ERC2: variants seen among roughly 807,000 people sequenced by gnomAD.
ERC2 encodes ELKS/RAB6-interacting/CAST family member 2.
In ERC2, 42 loss-of-function variants were observed where a neutral mutation model predicts 114.8. The ratio of observed to expected loss-of-function variants is 0.37; its 90% CI spans 0.29 to 0.47. ERC2 has a LOEUF of 0.47. ERC2 is among the 20% of genes least tolerant of loss of function. ERC2 has a pLI of 0.99. For missense variants in ERC2, 939 were observed against 1,150.7 expected (o/e 0.82, Z 2.66); for synonymous variants, 454 against 425.5 (o/e 1.07, Z -0.82).
intron 7 of ERC2, among the ~76,000 whole-genome samples, chr3:56,038,547 C>A (rs1285323657): frequency 2.0e-5 from 3 of 152,110 alleles, no homozygotes; most frequent in Non-Finnish European, 2.9e-5. Context: ...GACCTAGAAC[C>A]AGAAATACCA....
rs897711952 is a variant in ERC2 at position 56,240,485 on chromosome 3, C to T, written c.1074+55534G>A. On this transcript the variant is annotated intron_variant, in intron 3 of 17. Coordinates refer to ENST00000288221, the MANE Select transcript of ERC2 (RefSeq NM_015576.3). ...TGCTGAGTAAATGTAAATGTAAAAA[C>T]TAAAATACCTAAAGTAAATGACCCT... Among the ~76,000 whole-genome samples, 3 of 152,156 alleles carry T rather than the reference C, an allele frequency of 2.0e-5. No individual in the cohort carries two copies. The East Asian group carries it at 5.8e-4, about 29-fold the overall frequency.
At chr3:55,629,255 A>G (rs759767744) in intron 17 of ERC2, among the ~76,000 whole-genome samples, 1 of 152,202 alleles carries the variant, frequency 6.6e-6, no homozygotes, top group Non-Finnish European at 1.5e-5. Context: ...GGTGGCAGAG[A>G]TGCCATGGCT....
chr3:56,425,288 A>G (rs2107274272), intron 2 of ERC2, among the ~76,000 whole-genome samples: 1 of 152,320 alleles, frequency 6.6e-6, no homozygotes, highest in East Asian at 1.9e-4. Flanking sequence ...TCCCTCCATG[A>G]ACTTTCCAAG....
chr3:55,517,337 A>G (rs1446197585), intron 17 of ERC2, among the ~76,000 whole-genome samples: 7 of 150,986 alleles, frequency 4.6e-5, no homozygotes, highest in African/African-American at 1.7e-4. Context: ...GCTACTAGGG[A>G]AGCTGTGGCA....
At chr3:55,926,052 T>G (rs1206507949) in intron 13 of ERC2, among the ~76,000 whole-genome samples, 2 of 152,168 alleles carry the variant, frequency 1.3e-5, no homozygotes, top group African/African-American at 4.8e-5. Context: ...TTTGAGTGGG[T>G]GGGCACCCAT....
intron 10 of ERC2, among the ~76,000 whole-genome samples, chr3:56,006,946 T>C (rs2072539931): frequency 6.6e-6 from 1 of 152,120 alleles, no homozygotes; most frequent in African/African-American, 2.4e-5. Flanking sequence ...CTTCTGCTAC[T>C]ATTTTGATCT....
chr3:56,404,545 A>G (rs2060638155), intron 2 of ERC2, among the ~76,000 whole-genome samples: 1 of 152,210 alleles, frequency 6.6e-6, no homozygotes, highest in African/African-American at 2.4e-5. Flanking sequence ...GTCAATAATA[A>G]TTGTACATTT....
intron 13 of ERC2, among the ~76,000 whole-genome samples, chr3:55,942,020 G>C (rs1217103496): frequency 1.3e-5 from 2 of 152,026 alleles, no homozygotes; most frequent in African/African-American, 4.8e-5. Context: ...AATGCTGAGG[G>C]GCACAAGCCT....
At chr3:56,109,775 C>A (rs2078862845) in intron 6 of ERC2, among the ~76,000 whole-genome samples, 1 of 151,548 alleles carries the variant, frequency 6.6e-6, no homozygotes, top group Non-Finnish European at 1.5e-5. Flanking sequence ...AACAAATAAA[C>A]TATAAAGAAA....
chr3:56,325,056 T>C (rs1576437454), intron 2 of ERC2, among the ~76,000 whole-genome samples: 1 of 152,044 alleles, frequency 6.6e-6, no homozygotes, highest in African/African-American at 2.4e-5. Flanking sequence ...TAGCCTGCTT[T>C]TTTTTCCTCA....
rs555114530 is a variant in ERC2, at chr3:56,306,423, G to T, written c.658-9988C>A. On this transcript the variant is annotated intron_variant, in intron 2 of 17. Coordinates refer to ENST00000288221, the MANE Select transcript of ERC2 (RefSeq NM_015576.3). Reference sequence around the variant, plus strand: ...ATGTAATGGGATGTTAGATTATTGTGCAAAAGAACAAATGACAGCTACATG... The same window carrying T: ...ATGTAATGGGATGTTAGATTATTGTTCAAAAGAACAAATGACAGCTACATG... Among the ~76,000 whole-genome samples the T allele has an allele frequency of 2.6e-5, 4 of 152,264 alleles. No individual in the cohort carries two copies. In the East Asian group the frequency reaches 7.7e-4, roughly 29 times the overall value.
chr3:56,337,751 G>A (rs2057917185), intron 2 of ERC2, among the ~76,000 whole-genome samples: 1 of 152,168 alleles, frequency 6.6e-6, no homozygotes, highest in Non-Finnish European at 1.5e-5. Context: ...TCCAAGATGT[G>A]TACTCAGCAG....
chr3:55,979,974 T>TA (rs1362274629), intron 12 of ERC2, among the ~76,000 whole-genome samples: 2 of 147,724 alleles, frequency 1.4e-5, no homozygotes, highest in Non-Finnish European at 3.0e-5. Context: ...TTTTTTTTTT[T>TA]AAGGAACCAT....
intron 2 of ERC2, among the ~76,000 whole-genome samples, chr3:56,347,375 T>C (rs542964503): frequency 9.1e-4 from 138 of 152,158 alleles, no homozygotes; most frequent in African/African-American, 3.2e-3. Flanking sequence ...TGCTTCCTGT[T>C]AGGTTCTGCC....
At chr3:55,615,109 A>T (rs1247506486) in intron 17 of ERC2, among the ~76,000 whole-genome samples, 2 of 152,242 alleles carry the variant, frequency 1.3e-5, no homozygotes, top group African/African-American at 4.8e-5. Context: ...GTTTTATCTT[A>T]TCTGTCCTTG....
At chr3:55,596,171 G>C (rs1478304231) in intron 17 of ERC2, among the ~76,000 whole-genome samples, 1 of 152,062 alleles carries the variant, frequency 6.6e-6, no homozygotes, top group African/African-American at 2.4e-5. Context: ...TTAAAGGAGA[G>C]GAGGGGAAAA....
At chr3:55,713,818 C>T (rs1219915598) in intron 15 of ERC2, among the ~76,000 whole-genome samples, 1 of 152,160 alleles carries the variant, frequency 6.6e-6, no homozygotes, top group Non-Finnish European at 1.5e-5. Context: ...CCATCCAGTC[C>T]TTATTTCTCC....
chr3:56,294,184 A>G (rs1255952815), intron 3 of ERC2, among the ~76,000 whole-genome samples: 1 of 152,268 alleles, frequency 6.6e-6, no homozygotes, highest in East Asian at 1.9e-4. Context: ...TCTATGAAGT[A>G]AGACATGGAG....
chr3:55,683,697 C>T, intron 17 of ERC2, 97 bp downstream of exon 17: 3 of 1,012,342 alleles, frequency 3.0e-6, no homozygotes, highest in South Asian at 3.1e-5. Flanking sequence ...ACACAGGGCA[C>T]AATTCACAAA....
Sources: gnomAD v4.1 joint callset for allele counts (sites outside exome capture counted in the v4.1 genomes callset) on GRCh38, gnomAD v4.1.1 for gene constraint, MANE v1.5 for transcripts, NCBI Gene and HGNC (gene_info 2026-07-23, HGNC 2026-07-21) for gene names.